The following SLC44A5 variants were observed in gnomAD, a reference collection of about 807,000 sequenced individuals.
SLC44A5 encodes solute carrier family 44 member 5.
A neutral mutation model predicts 101.8 loss-of-function variants in SLC44A5; 57 were observed. The observed-to-expected ratio is 0.56, with a 90% CI of 0.45 to 0.70. The LOEUF (loss-of-function observed/expected upper bound fraction) is 0.70, where lower values mean the gene tolerates loss of function less well. SLC44A5 is among the 30% of genes least tolerant of loss of function. The probability of loss-of-function intolerance (pLI) is 0.00; values close to 1 mark genes in which losing one functional copy is unlikely to be tolerated. For synonymous variants in SLC44A5, 281 were observed against 290.9 expected, an observed-to-expected ratio of 0.97 and a Z score of 0.35; for missense variants, 737 against 853.1, an observed-to-expected ratio of 0.86 and a Z score of 1.70.
chr1:75,261,327 TA>T (rs1650485080), intron 6 of SLC44A5, among the ~76,000 whole-genome samples: 1 of 151,812 alleles, frequency 6.6e-6, no homozygotes, highest in Non-Finnish European at 1.5e-5. Context: ...TAAAAAATGA[TA>T]AAGGGGATAT....
chr1:75,341,413 C>T (rs917707116), intron 3 of SLC44A5, among the ~76,000 whole-genome samples: 13 of 151,956 alleles, frequency 8.6e-5, no homozygotes, highest in Admixed American at 5.3e-4. Context: ...ACCCAGGAGG[C>T]GGACGTTGCA....
intron 3 of SLC44A5, among the ~76,000 whole-genome samples, chr1:75,388,208 TAATAAATAAATA>T (rs71071944): frequency 7.7e-6 from 1 of 129,082 alleles, no homozygotes; most frequent in Non-Finnish European, 1.6e-5. Flanking sequence ...ACTTAAAGTG[TAATAAATAAATA>T]AATAAATAAA....
chr1:75,610,683 G>A (rs879653669), intron 1 of SLC44A5, among the ~76,000 whole-genome samples: 1 of 152,082 alleles, frequency 6.6e-6, no homozygotes, highest in Non-Finnish European at 1.5e-5. Context: ...GATTCCTAGA[G>A]ATGTTATCAA....
chr1:75,418,464 A>G (rs1557765061), intron 2 of SLC44A5, among the ~76,000 whole-genome samples: 1 of 152,190 alleles, frequency 6.6e-6, no homozygotes, highest in Non-Finnish European at 1.5e-5. Flanking sequence ...GGAAGTGTTC[A>G]GGGGGTAAAA....
chr1:75,714,245 G>A, the SLC44A5 span, among the ~76,000 whole-genome samples: 1 of 152,178 alleles, frequency 6.6e-6, no homozygotes, highest in Non-Finnish European at 1.5e-5. Context: ...ATCAGTAAAT[G>A]TGATTCATCA....
chr1:75,571,806 T>A (rs1027628796), intron 1 of SLC44A5, among the ~76,000 whole-genome samples: 3 of 152,150 alleles, frequency 2.0e-5, no homozygotes, highest in African/African-American at 7.2e-5. Context: ...AAGGAGCATC[T>A]GTATAAGAGA....
chr1:75,577,993 C>T (rs1673468005), intron 1 of SLC44A5, among the ~76,000 whole-genome samples: 1 of 152,064 alleles, frequency 6.6e-6, no homozygotes, highest in Admixed American at 6.5e-5. Context: ...CTTAATGTTT[C>T]ACTTTTGTCT....
chr1:75,572,883 G>A (rs1319733163), intron 1 of SLC44A5, among the ~76,000 whole-genome samples: 1 of 151,998 alleles, frequency 6.6e-6, no homozygotes, highest in East Asian at 1.9e-4. Context: ...AGCACTTTGG[G>A]AGGCTAAGGC....
chr1:75,718,818 A>G, the SLC44A5 span, among the ~76,000 whole-genome samples: 8 of 152,338 alleles, frequency 5.3e-5, no homozygotes, highest in African/African-American at 1.9e-4. Context: ...AGAAGAGTCA[A>G]GAAAACTTTT....
chr1:75,254,118 G>T (rs1426968833), intron 6 of SLC44A5, among the ~76,000 whole-genome samples: 1 of 151,500 alleles, frequency 6.6e-6, no homozygotes, highest in Non-Finnish European at 1.5e-5. Context: ...TGCTCACTGC[G>T]ACCTCTGCCT....
the SLC44A5 span, among the ~76,000 whole-genome samples, chr1:75,645,303 T>C: frequency 2.0e-5 from 3 of 152,230 alleles, no homozygotes; most frequent in African/African-American, 7.2e-5. Context: ...TTCATGATTT[T>C]TTAATGATCG....
chr1:75,497,917 C>T (rs1332820387), intron 2 of SLC44A5, among the ~76,000 whole-genome samples: 4 of 152,046 alleles, frequency 2.6e-5, no homozygotes, highest in East Asian at 3.9e-4. Flanking sequence ...GATTTAATTG[C>T]TAATGACTAC....
the SLC44A5 span, among the ~76,000 whole-genome samples, chr1:75,660,144 C>T: frequency 3.3e-5 from 5 of 152,012 alleles, no homozygotes; most frequent in Admixed American, 6.6e-5. Context: ...GCAAATGTTG[C>T]AGTGAGCTGA....
upstream of SLC44A5, among the ~76,000 whole-genome samples, chr1:75,612,709 G>A (rs182239426): frequency 6.6e-6 from 1 of 152,008 alleles, no homozygotes; most frequent in East Asian, 1.9e-4. Context: ...CATATTCAGT[G>A]CTCAATAAAT....
Position 75,425,560 on chromosome 1 carries a change from TGTCAAATAGACAGGCCAACTTAATTAAG to T in SLC44A5, c.14-28967_14-28940del, listed in dbSNP as rs1570241594. Among the ~76,000 whole-genome samples, 5 of 149,860 alleles carry T rather than the reference TGTCAAATAGACAGGCCAACTTAATTAAG, an allele frequency of 3.3e-5. No individual in the cohort carries two copies. In the East Asian group the frequency reaches 9.6e-4, roughly 29 times the overall value. Reference sequence around the variant, plus strand: ...ATTATCTTCTTGAGAACCCAAAGGCTGTCAAATAGACAGGCCAACTTAATTAAGAAACTTATTTTAGATGTACCAAGTG... The same window carrying T: ...ATTATCTTCTTGAGAACCCAAAGGCTAAACTTATTTTAGATGTACCAAGTG... On this transcript the variant is annotated intron_variant, in intron 2 of 23. Coordinates refer to ENST00000370859, the MANE Select transcript of SLC44A5 (RefSeq NM_001130058.2).
At chr1:75,507,047 C>A (rs560353508) in intron 2 of SLC44A5, among the ~76,000 whole-genome samples, 77 of 150,254 alleles carry the variant, frequency 5.1e-4, no homozygotes, top group Non-Finnish European at 1.0e-3. Context: ...TAGAATGGAA[C>A]CACAGGCACA....
chr1:75,713,115 C>T, the SLC44A5 span, among the ~76,000 whole-genome samples: 1 of 152,222 alleles, frequency 6.6e-6, no homozygotes, highest in East Asian at 1.9e-4. Context: ...TTTTCAAACT[C>T]ACTAGGCATG....
intron 1 of SLC44A5, among the ~76,000 whole-genome samples, chr1:75,574,495 T>C (rs900917424): frequency 1.6e-4 from 24 of 152,370 alleles, no homozygotes; most frequent in African/African-American, 5.8e-4. Context: ...GATACTTAAC[T>C]ATAAGCCAGC....
intron 2 of SLC44A5, among the ~76,000 whole-genome samples, chr1:75,399,584 G>A (rs139213972): frequency 0.013 from 2,004 of 152,066 alleles, 27 homozygotes; most frequent in Middle Eastern, 0.017. Context: ...GGGACAATTG[G>A]GGCAATCTGA....
Sources: gnomAD v4.1 joint callset for allele counts (sites outside exome capture counted in the v4.1 genomes callset) on GRCh38, gnomAD v4.1.1 for gene constraint, MANE v1.5 for transcripts, NCBI Gene and HGNC (gene_info 2026-07-23, HGNC 2026-07-21) for gene names.